CLCA1: variants seen among roughly 807,000 people sequenced by gnomAD.
CLCA1 encodes the protein calcium-activated chloride channel regulator 1.
Under a neutral mutation model 85.6 loss-of-function variants are expected in CLCA1, and 59 were observed. The observed-to-expected ratio is 0.69, with a 90% confidence interval of 0.56 to 0.86. CLCA1 has a LOEUF of 0.86. Ranked by LOEUF, CLCA1 falls within the 40% of genes least tolerant of loss-of-function variation. The probability of loss-of-function intolerance (pLI) is 0.00; values close to 1 mark genes in which losing one functional copy is unlikely to be tolerated. For synonymous variants in CLCA1, 396 were observed against 398.3 expected (o/e 0.99, Z 0.07); for missense variants, 1,022 against 1,101.4 (o/e 0.93, Z 1.02).
chr1:86,482,166 A>G lies in CLCA1; in HGVS notation c.558-39A>G, dbSNP rs1392811455. 2.0e-6 allele frequency: 3 copies of G among 1,503,318 alleles called. 1 individual carries two copies. The highest frequency in any genetic ancestry group is 2.3e-5 in the South Asian group (2 of 86,242). The allele number at this position is 1,503,318 out of a possible 1,614,324, so 93.1% of individuals were successfully genotyped here. On this transcript the variant is annotated intron_variant, in intron 4 of 13. Coordinates refer to ENST00000394711, the MANE Select transcript of CLCA1 (RefSeq NM_001285.4). ...GCATAGACTCTGACCCTTTGAAATGACGACATCACCTAAACATCTAACCTT... is the reference window on the plus strand; with the variant it reads ...GCATAGACTCTGACCCTTTGAAATGGCGACATCACCTAAACATCTAACCTT...
chr1:86,470,610 G>T (rs1205354584), intron 1 of CLCA1, among the ~76,000 whole-genome samples: 1 of 152,040 alleles, frequency 6.6e-6, no homozygotes, highest in African/African-American at 2.4e-5. Context: ...CGTACTTCTC[G>T]CTACAATTAT....
At chr1:86,493,001 T>C (rs533285084) in intron 9 of CLCA1, among the ~76,000 whole-genome samples, 40 of 152,256 alleles carry the variant, frequency 2.6e-4, no homozygotes, top group African/African-American at 9.6e-4. Flanking sequence ...CAGAGAAACC[T>C]TCATGGAGAA....
intron 5 of CLCA1, 57 bp downstream of exon 5, chr1:86,482,439 T>C (rs894936426): frequency 7.4e-6 from 11 of 1,493,686 alleles, no homozygotes; most frequent in Middle Eastern, 1.7e-4. Flanking sequence ...GTGAGGCTTT[T>C]ACTCCAAGTG....
intron 4 of CLCA1, 50 bp from the exon 5 acceptor site, chr1:86,482,155 C>A (rs762515991): frequency 7.1e-7 from 1 of 1,407,652 alleles, no homozygotes; most frequent in Non-Finnish European, 1.0e-6. Flanking sequence ...AGACTCTGAC[C>A]CTTTGAAATG....
At chr1:86,498,208 A>AAGGAAGGAAGGG (rs1205553324) in intron 12 of CLCA1, among the ~76,000 whole-genome samples, 8 of 151,290 alleles carry the variant, frequency 5.3e-5, no homozygotes. Context: ...GGAAGGAAGG[A>AAGGAAGGAAGGG]AAAAACAGAT....
intron 5 of CLCA1, among the ~76,000 whole-genome samples, chr1:86,484,925 C>T (rs1647922928): frequency 6.6e-6 from 1 of 152,012 alleles, no homozygotes; most frequent in Non-Finnish European, 1.5e-5. Context: ...TTGGAGAGAG[C>T]TGGAACATTG....
intron 7 of CLCA1, 118 bp from the exon 8 acceptor site, chr1:86,488,878 C>A (rs1558142466): frequency 1.3e-6 from 1 of 744,956 alleles, no homozygotes; most frequent in Non-Finnish European, 2.3e-6. Context: ...TTGGTCATTC[C>A]CAGACAATTT....
intron 4 of CLCA1, among the ~76,000 whole-genome samples, chr1:86,478,446 A>C (rs1019108020): frequency 6.6e-6 from 1 of 151,534 alleles, no homozygotes; most frequent in African/African-American, 2.4e-5. Context: ...AAAAAGAGAG[A>C]GAGAGAGACA....
chr1:86,489,680 C>A (rs1648083190), intron 8 of CLCA1, among the ~76,000 whole-genome samples: 1 of 152,172 alleles, frequency 6.6e-6, no homozygotes, highest in Non-Finnish European at 1.5e-5. Context: ...CAATGCAGTT[C>A]CTCCATAAAA....
Position 86,494,365 on chromosome 1 carries a change from C to G in CLCA1, c.1859C>G (p.Pro620Arg). 6.2e-7 allele frequency: 1 copy of G among 1,614,166 alleles called. No homozygotes were observed. The highest frequency in any genetic ancestry group is 8.5e-7 in the Non-Finnish European group (1 of 1,180,010). ...GCAAATATTCGCCAAGGAGCCTCCC[C>G]AATTCTCAGGGCCAGTGTCACAGCC... ...VYANIRQGAS[P>R]ILRASVTALI... Residue 620 changes from proline (P) to arginine (R), a missense_variant, in exon 11 of 14, where the codon CCA becomes CGA. Transcript: ENST00000394711.
At chr1:86,495,277 AGAT>A (rs1046560215) in intron 11 of CLCA1, among the ~76,000 whole-genome samples, 2 of 152,234 alleles carry the variant, frequency 1.3e-5, no homozygotes, top group African/African-American at 2.4e-5. Context: ...ATACCATCTT[AGAT>A]TTCAAAAAGA....
In CLCA1 at chr1:86,476,511, A is replaced by C. The variant is rs764804030; in HGVS notation, c.515A>C (p.Asp172Ala). 5.0e-6 allele frequency: 8 copies of C among 1,602,150 alleles called. No homozygotes were observed. In the South Asian group the frequency reaches 8.8e-5, roughly 18 times the overall value. The change falls in exon 4 of 14, where the codon GAT (aspartate) becomes GCT (alanine). Residue 172 changes from aspartate (D) to alanine (A), a missense_variant. Asp to Ala is a moderately radical substitution (Grantham distance 126). Coordinates refer to ENST00000394711, the MANE Select transcript of CLCA1 (RefSeq NM_001285.4). ...RWGVFDEYNN[D>A]EKFYLSNGRI... ...GGAGTATTTGACGAGTACAATAATG[A>C]TGAGAAATTCTACTTATCCAATGGA...
At chr1:86,496,237 C>T (rs1351284822) in intron 12 of CLCA1, among the ~76,000 whole-genome samples, 1 of 152,192 alleles carries the variant, frequency 6.6e-6, no homozygotes, top group East Asian at 1.9e-4. Context: ...TCCATTGAAG[C>T]ATTTCTAATT....
Position 86,499,731 on chromosome 1 carries a change from A to G in CLCA1, c.2431A>G (p.Thr811Ala). ...GTTCAATGAATCTCTTCAAGTGAATACTACTGCTCTCATCCCAAAGGAAGC... is the reference window on the plus strand; with the variant it reads ...GTTCAATGAATCTCTTCAAGTGAATGCTACTGCTCTCATCCCAAAGGAAGC... ...DKFNESLQVN[T>A]TALIPKEANS... Residue 811 changes from threonine (T) to alanine (A), a missense_variant, in exon 14 of 14, where the codon ACT becomes GCT. Physicochemically the swap from Thr to Ala is moderately conservative, Grantham distance 58. Coordinates refer to ENST00000394711, the MANE Select transcript of CLCA1 (RefSeq NM_001285.4). The G allele has an allele frequency of 4.4e-6, 7 of 1,606,792 alleles. No homozygotes were observed. The highest frequency in any genetic ancestry group is 6.0e-6 in the Non-Finnish European group (7 of 1,173,424).
intron 12 of CLCA1, among the ~76,000 whole-genome samples, chr1:86,498,021 T>TAATCC (rs1308601647): frequency 6.6e-6 from 1 of 152,094 alleles, no homozygotes; most frequent in Non-Finnish European, 1.5e-5. Flanking sequence ...CACATGCCTG[T>TAATCC]AATCCCAGCT....
chr1:86,498,447 T>G (rs1263701997), intron 12 of CLCA1, 125 bp from the exon 13 acceptor site: 4 of 796,166 alleles, frequency 5.0e-6, no homozygotes, highest in Non-Finnish European at 7.6e-6. Context: ...TAAAATTAAT[T>G]CTGTGTGTGG....
chr1:86,476,597 G>T, intron 4 of CLCA1, 44 bp downstream of exon 4: 1 of 967,548 alleles, frequency 1.0e-6, no homozygotes, highest in Non-Finnish European at 1.6e-6. Flanking sequence ...ATTTTAAATT[G>T]CAACCTTTTT....
At chr1:86,490,989 C>T (rs1558143979) in intron 8 of CLCA1, among the ~76,000 whole-genome samples, 2 of 151,410 alleles carry the variant, frequency 1.3e-5, no homozygotes, top group Admixed American at 6.6e-5. Context: ...GTAGGAAGAT[C>T]GCTTGAGCCT....
intron 1 of CLCA1, among the ~76,000 whole-genome samples, chr1:86,470,525 A>T (rs144082508): frequency 1.1e-4 from 17 of 152,314 alleles, no homozygotes; most frequent in African/African-American, 3.4e-4. Context: ...GGTAATTTGT[A>T]TCTACAGTAT....
Sources: allele counts gnomAD v4.1 joint callset (sites outside exome capture counted in the v4.1 genomes callset), GRCh38; gene constraint gnomAD v4.1.1; transcripts MANE v1.5; gene names NCBI Gene and HGNC (gene_info 2026-07-23, HGNC 2026-07-21).